TMOD2: variants seen among roughly 807,000 people sequenced by gnomAD.
TMOD2 encodes tropomodulin-2.
A neutral mutation model predicts 39.9 loss-of-function variants in TMOD2; 22 were observed. The ratio of observed to expected loss-of-function variants is 0.55; its 90% confidence interval spans 0.39 to 0.79. The LOEUF is 0.79. Among genes scored for constraint, TMOD2 ranks in the 30% least tolerant of loss-of-function variants. The pLI is 0.00. For missense variants in TMOD2, 386 were observed against 413.3 expected (o/e 0.93, Z 0.57); for synonymous variants, 123 against 146.1 (o/e 0.84, Z 1.14).
intron 1 of TMOD2, among the ~76,000 whole-genome samples, chr15:51,765,829 G>A (rs1360590031): frequency 6.6e-6 from 1 of 152,174 alleles, no homozygotes; most frequent in East Asian, 1.9e-4. Context: ...TAATTGCAGG[G>A]GAGTTACTGG....
At chr15:51,788,811 A>G (rs915114581) in intron 7 of TMOD2, among the ~76,000 whole-genome samples, 4 of 152,212 alleles carry the variant, frequency 2.6e-5, no homozygotes, top group African/African-American at 9.6e-5. Flanking sequence ...AAATGCTAAG[A>G]TATTTTGTCA....
intron 4 of TMOD2, among the ~76,000 whole-genome samples, chr15:51,776,664 A>G (rs2055891055): frequency 6.6e-6 from 1 of 152,190 alleles, no homozygotes; most frequent in African/African-American, 2.4e-5. Flanking sequence ...TTTTCGGTAA[A>G]TTGTGGCCAT....
At chr15:51,806,987 C>T (rs1324721452) in intron 9 of TMOD2, among the ~76,000 whole-genome samples, 1 of 152,198 alleles carries the variant, frequency 6.6e-6, no homozygotes, top group Non-Finnish European at 1.5e-5. Flanking sequence ...ACTCACAGGT[C>T]GCCTTTTCAG....
Position 51,812,509 on chromosome 15 carries a change from G to T in TMOD2, c.*4055G>T, listed in dbSNP as rs559530402. The T allele has an allele frequency of 1.2e-4, 18 of 152,274 alleles. No homozygotes were observed. Among genetic ancestry groups the T allele is most frequent in the African/African-American group, 3.8e-4 (16 of 41,562 alleles). The allele number at this position is 152,274 out of a possible 1,614,324, so 9.4% of individuals were successfully genotyped here. A position where few individuals can be genotyped will look rare whatever the true frequency, so the allele number is the denominator to read the frequency against. Reference sequence around the variant, plus strand: ...CTTCTTCACAGATATGATGTACTCAGCCCCCTCCTAGGCACTACGAAGAAG... The same window carrying T: ...CTTCTTCACAGATATGATGTACTCATCCCCCTCCTAGGCACTACGAAGAAG... On this transcript the variant is annotated 3_prime_UTR_variant, in exon 10 of 10. Coordinates refer to ENST00000249700, the MANE Select transcript of TMOD2 (RefSeq NM_014548.4).
chr15:51,758,455 C>A (rs1033815205), intron 1 of TMOD2, among the ~76,000 whole-genome samples: 2 of 152,160 alleles, frequency 1.3e-5, no homozygotes, highest in African/African-American at 4.8e-5. Context: ...AAAGCTCCAT[C>A]ACAGGGAGAG....
rs569871060 is a variant in TMOD2, at chr15:51,765,096, G to C, written c.-69-1277G>C. Among the ~76,000 whole-genome samples the C allele has an allele frequency of 5.7e-4, 87 of 152,188 alleles. 1 individual carries two copies. The highest frequency in any genetic ancestry group is 2.0e-3 in the African/African-American group (84 of 41,532). On this transcript the variant is annotated intron_variant, in intron 1 of 9. Transcript: ENST00000249700. ...CAGCACTGCAACCTCTGCCTCCCGGGTTCAAGCAATTCTCCTGCCTCAGCC... is the reference window on the plus strand; with the variant it reads ...CAGCACTGCAACCTCTGCCTCCCGGCTTCAAGCAATTCTCCTGCCTCAGCC...
intron 8 of TMOD2, among the ~76,000 whole-genome samples, chr15:51,799,880 G>C (rs532294292): frequency 6.6e-6 from 1 of 152,282 alleles, no homozygotes; most frequent in South Asian, 2.1e-4. Flanking sequence ...TGGATACCCT[G>C]TTCCAAAGTA....
chr15:51,766,790 T>C, intron 2 of TMOD2: 1 of 349,884 alleles, frequency 2.9e-6, no homozygotes, highest in Admixed American at 4.3e-5. Context: ...CCAATGTAAA[T>C]GGGGGGAAAT....
At chr15:51,775,700 C>T (rs1267423990) in intron 4 of TMOD2, among the ~76,000 whole-genome samples, 2 of 151,304 alleles carry the variant, frequency 1.3e-5, no homozygotes, top group African/African-American at 4.9e-5. Flanking sequence ...GCCTCAGCCT[C>T]CCAAGTAGCT....
intron 8 of TMOD2, among the ~76,000 whole-genome samples, chr15:51,801,751 G>A (rs1287851572): frequency 2.0e-5 from 3 of 152,124 alleles, no homozygotes; most frequent in Non-Finnish European, 4.4e-5. Context: ...CACAGAAGGC[G>A]ATTTGAAGAT....
intron 1 of TMOD2, among the ~76,000 whole-genome samples, chr15:51,762,555 C>A (rs1242548383): frequency 6.6e-6 from 1 of 152,118 alleles, no homozygotes; most frequent in Non-Finnish European, 1.5e-5. Context: ...AAATGACATA[C>A]AATAAAGTGC....
chr15:51,796,517 C>G (rs1229519364), intron 7 of TMOD2, among the ~76,000 whole-genome samples: 2 of 152,010 alleles, frequency 1.3e-5, no homozygotes, highest in Non-Finnish European at 2.9e-5. Flanking sequence ...TATAGTAGTC[C>G]CCTTATCTGC....
chr15:51,762,005 C>T (rs1490275979), intron 1 of TMOD2, among the ~76,000 whole-genome samples: 3 of 151,688 alleles, frequency 2.0e-5, no homozygotes, highest in Admixed American at 1.3e-4. Flanking sequence ...AAAAATTATC[C>T]GGGCGTGGTG....
chr15:51,785,752 T>G (rs1281773619), intron 7 of TMOD2, among the ~76,000 whole-genome samples: 4 of 152,114 alleles, frequency 2.6e-5, no homozygotes, highest in Non-Finnish European at 5.9e-5. Flanking sequence ...GTTCTTGTAT[T>G]CAATAATTTA....
intron 1 of TMOD2, chr15:51,752,856 A>G (rs1224177527): frequency 6.6e-6 from 1 of 152,204 alleles, no homozygotes; most frequent in Non-Finnish European, 1.5e-5. Flanking sequence ...GACTCTCTTC[A>G]GTCTAACCCA....
chr15:51,758,375 T>G (rs2055757128), intron 1 of TMOD2, among the ~76,000 whole-genome samples: 2 of 152,278 alleles, frequency 1.3e-5, no homozygotes, highest in South Asian at 4.2e-4. Context: ...TAGCAAGATA[T>G]GTCAAATTGG....
chr15:51,760,087 T>C (rs1006970596), intron 1 of TMOD2, among the ~76,000 whole-genome samples: 1 of 152,132 alleles, frequency 6.6e-6, no homozygotes, highest in Non-Finnish European at 1.5e-5. Flanking sequence ...GGGGAGTGGA[T>C]GTGGAGGTGC....
intron 5 of TMOD2, among the ~76,000 whole-genome samples, chr15:51,777,653 C>A (rs950523872): frequency 6.6e-6 from 1 of 152,156 alleles, no homozygotes; most frequent in African/African-American, 2.4e-5. Flanking sequence ...ATGTTCTAGG[C>A]TTAGGTACAA....
chr15:51,766,299 C>G, intron 1 of TMOD2, 74 bp from the exon 2 acceptor site: 2 of 695,612 alleles, frequency 2.9e-6, no homozygotes, highest in Non-Finnish European at 2.3e-6. Flanking sequence ...TGGAGGCATA[C>G]TTCTGTCTCC....
Sources: allele counts gnomAD v4.1 joint callset (sites outside exome capture counted in the v4.1 genomes callset), GRCh38; gene constraint gnomAD v4.1.1; transcripts MANE v1.5; gene names NCBI Gene and HGNC (gene_info 2026-07-23, HGNC 2026-07-21).